FAM120B: variants seen among roughly 807,000 people sequenced by gnomAD.
The protein encoded by FAM120B is family with sequence similarity 120 member B, also known as constitutive coactivator of peroxisome proliferator-activated receptor gamma.
A neutral mutation model predicts 96.3 loss-of-function variants in FAM120B; 83 were observed. The observed-to-expected ratio is 0.86, with a 90% CI of 0.72 to 1.03. FAM120B has a LOEUF of 1.03. Ranked by LOEUF, FAM120B falls within the 50% of genes least tolerant of loss-of-function variation. The pLI is 0.00. For missense variants in FAM120B, 1,027 were observed against 1,121.2 expected, an observed-to-expected ratio of 0.92 and a Z score of 1.20; for synonymous variants, 407 against 402.7, an observed-to-expected ratio of 1.01 and a Z score of -0.13.
chr6:170,391,292 T>C (rs1194136115), intron 8 of FAM120B, 171 bp downstream of exon 8: 1 of 569,124 alleles, frequency 1.8e-6, no homozygotes, highest in African/African-American at 1.9e-5. Context: ...CTCAGCACTT[T>C]GGGAGGCCGA....
intron 6 of FAM120B, among the ~76,000 whole-genome samples, chr6:170,361,222 A>ACATACATATATATATACG (rs1329669151): frequency 2.0e-5 from 2 of 102,004 alleles, no homozygotes; most frequent in African/African-American, 6.7e-5. Context: ...ATATATATAT[A>ACATACATATATATATACG]TATATATATA....
intron 6 of FAM120B, 71 bp downstream of exon 6, chr6:170,358,389 A>G: frequency 6.4e-6 from 7 of 1,101,226 alleles, no homozygotes; most frequent in Non-Finnish European, 9.4e-6. Flanking sequence ...CTTTCCCATT[A>G]TAGTTGAAGT....
intron 2 of FAM120B, among the ~76,000 whole-genome samples, chr6:170,322,612 G>C (rs1485108155): frequency 6.6e-6 from 1 of 152,114 alleles, no homozygotes; most frequent in Non-Finnish European, 1.5e-5. Flanking sequence ...GGAGATTGAG[G>C]CTTTATAGAG....
chr6:170,366,346 T>G (rs932736695), intron 6 of FAM120B, among the ~76,000 whole-genome samples: 1 of 152,178 alleles, frequency 6.6e-6, no homozygotes, highest in African/African-American at 2.4e-5. Flanking sequence ...GGCAGAGCCT[T>G]GCTGGCTCCT....
intron 2 of FAM120B, among the ~76,000 whole-genome samples, chr6:170,320,766 G>A (rs1425605334): frequency 6.6e-6 from 1 of 152,192 alleles, no homozygotes; most frequent in East Asian, 1.9e-4. Flanking sequence ...GATGTGGGAT[G>A]GAGACTTAAG....
intron 9 of FAM120B, among the ~76,000 whole-genome samples, chr6:170,401,600 C>G (rs1330328208): frequency 6.6e-6 from 1 of 152,164 alleles, no homozygotes; most frequent in Non-Finnish European, 1.5e-5. Flanking sequence ...GTGCTTATTT[C>G]TTACTTCTTT....
rs1356248871 is a variant in FAM120B, at chr6:170,404,967, C to G, written c.*216C>G. ...TTCTCTCCCGAGCTTGTGCCTGATT[C>G]TGTGGCCCAAAACAATCATTGTTAA... On this transcript the variant is annotated 3_prime_UTR_variant, in exon 11 of 11. Transcript: ENST00000476287. 1 of 225,046 alleles carries G rather than the reference C, an allele frequency of 4.4e-6. No homozygotes were observed. The highest frequency in any genetic ancestry group is 8.7e-6 in the Non-Finnish European group (1 of 115,586). 13.9% of individuals were successfully genotyped at this position (225,046 alleles called of 1,614,324 possible). A position where few individuals can be genotyped will look rare whatever the true frequency, so the allele number is the denominator to read the frequency against.
intron 5 of FAM120B, among the ~76,000 whole-genome samples, chr6:170,354,400 C>G (rs1787766332): frequency 6.6e-6 from 1 of 152,012 alleles, no homozygotes; most frequent in Admixed American, 6.6e-5. Context: ...GCAATTGCAA[C>G]AAAAGCAAAA....
chr6:170,336,334 G>A (rs1786416336), intron 4 of FAM120B, among the ~76,000 whole-genome samples: 1 of 152,048 alleles, frequency 6.6e-6, no homozygotes, highest in Admixed American at 6.6e-5. Flanking sequence ...TTTTTGTCAG[G>A]TTTGTCAAAG....
At chr6:170,403,676 G>A (rs995257867) in intron 9 of FAM120B, among the ~76,000 whole-genome samples, 1 of 152,116 alleles carries the variant, frequency 6.6e-6, no homozygotes, top group East Asian at 1.9e-4. Context: ...CTGTTGCTCA[G>A]CCCCGCTGGA....
intron 4 of FAM120B, among the ~76,000 whole-genome samples, chr6:170,338,241 C>T (rs998451488): frequency 6.6e-6 from 1 of 152,186 alleles, no homozygotes; most frequent in Non-Finnish European, 1.5e-5. Context: ...TCTTTGTTCT[C>T]ATTGGTTTCA....
At chr6:170,403,415 A>C (rs1778683473) in intron 9 of FAM120B, among the ~76,000 whole-genome samples, 1 of 150,212 alleles carries the variant, frequency 6.7e-6, no homozygotes, top group Non-Finnish European at 1.5e-5. Context: ...GAAAGTTGTC[A>C]CTATTTCCAG....
chr6:170,291,218 G>C (rs1403968324), upstream of FAM120B: 2 of 612,746 alleles, frequency 3.3e-6, no homozygotes, highest in African/African-American at 3.7e-5. Context: ...AATGTTCACC[G>C]CAAGAATCCC....
chr6:170,387,172 C>T (rs556560618), intron 6 of FAM120B, among the ~76,000 whole-genome samples: 5 of 152,152 alleles, frequency 3.3e-5, no homozygotes, highest in African/African-American at 7.2e-5. Context: ...TAAAAAGTGT[C>T]GCACAGCACT....
intron 9 of FAM120B, among the ~76,000 whole-genome samples, chr6:170,399,724 G>C (rs1212963238): frequency 1.3e-5 from 2 of 149,308 alleles, no homozygotes; most frequent in Admixed American, 6.7e-5. Context: ...GGGAAAGGTA[G>C]AACTATGTCA....
chr6:170,294,920 T>TA (rs1230572152), upstream of FAM120B, among the ~76,000 whole-genome samples: 3 of 152,154 alleles, frequency 2.0e-5, no homozygotes, highest in Non-Finnish European at 2.9e-5. The surrounding 1 kb of genome is among the most constrained non-coding windows in gnomAD (Gnocchi z 7.9). Flanking sequence ...AATAACAAGA[T>TA]AAAAAACTTC....
intron 6 of FAM120B, among the ~76,000 whole-genome samples, chr6:170,372,004 G>A (rs112583261): frequency 5.9e-5 from 9 of 152,240 alleles, no homozygotes; most frequent in African/African-American, 1.9e-4. Flanking sequence ...AAAAATAAGC[G>A]TGAAAGTAGG....
rs1487593443 is a variant in FAM120B at position 170,360,038 on chromosome 6, C to T, written c.2283+1720C>T. Among the ~76,000 whole-genome samples, 27 of 152,126 alleles carry T rather than the reference C, an allele frequency of 1.8e-4. 1 individual carries two copies. Among genetic ancestry groups the T allele is most frequent in the Admixed American group, 1.8e-3 (27 of 15,278 alleles). ...GCTGCTGAGCCATTTCCATTATAGT[C>T]TGGGGGCCTCACCTGCTCCCCTCTT... On this transcript the variant is annotated intron_variant, in intron 6 of 10. Transcript: ENST00000476287.
At chr6:170,352,992 AAAG>A (rs1385409961) in intron 5 of FAM120B, among the ~76,000 whole-genome samples, 2 of 152,144 alleles carry the variant, frequency 1.3e-5, no homozygotes, top group African/African-American at 4.8e-5. Context: ...CTACACTAAT[AAAG>A]AAGAGAGAAG....
Sources: allele counts gnomAD v4.1 joint callset (sites outside exome capture counted in the v4.1 genomes callset), GRCh38; gene constraint gnomAD v4.1.1; non-coding constraint Gnocchi (gnomAD v3.1); transcripts MANE v1.5; gene names NCBI Gene and HGNC (gene_info 2026-07-23, HGNC 2026-07-21).